Variants in GFM1 observed in about 807,000 individuals in gnomAD.
The protein encoded by GFM1 is elongation factor G, mitochondrial.
Under a neutral mutation model 96.2 loss-of-function variants are expected in GFM1, and 62 were observed. The observed-to-expected ratio is 0.64, with a 90% confidence interval of 0.53 to 0.80. GFM1 has a LOEUF of 0.80. Among genes scored for constraint, GFM1 ranks in the 30% least tolerant of loss-of-function variants. The pLI, the probability that GFM1 is intolerant of heterozygous loss-of-function variation, is 0.00. For synonymous variants in GFM1, 282 were observed against 312.9 expected (o/e 0.90, Z 1.04); for missense variants, 852 against 916.6 (o/e 0.93, Z 0.91).
At chr3:158,654,904 C>T (rs996649012) in intron 8 of GFM1, among the ~76,000 whole-genome samples, 1 of 152,040 alleles carries the variant, frequency 6.6e-6, no homozygotes, top group Non-Finnish European at 1.5e-5. Flanking sequence ...TATTTAATGT[C>T]ACAGTAGATA....
At chr3:158,680,268 A>G (rs1725259925) in intron 13 of GFM1, among the ~76,000 whole-genome samples, 1 of 151,844 alleles carries the variant, frequency 6.6e-6, no homozygotes, top group African/African-American at 2.4e-5. Context: ...TATTCATTGT[A>G]CCCAATAGGT....
chr3:158,665,273 T>C (rs2108050370), intron 11 of GFM1, 64 bp from the exon 12 acceptor site: 2 of 1,283,550 alleles, frequency 1.6e-6, no homozygotes, highest in East Asian at 4.6e-5. Flanking sequence ...GTAAAGTTTT[T>C]TCTAAAATCC....
chr3:158,690,304 A>C lies in GFM1; in HGVS notation c.2051A>C (p.Tyr684Ser). 6.2e-7 allele frequency: 1 copy of C among 1,613,938 alleles called. No individual in the cohort carries two copies. Among genetic ancestry groups the C allele is most frequent in the Non-Finnish European group, 8.5e-7 (1 of 1,179,864 alleles). ...ACTGGGCAAGATGGAGTTGAGGACT[A>C]TTTTACACTGTATGCAGATGTAAGT... ...VITGQDGVEDYFTLYADVPLN... is the reference protein window; with the variant it reads ...VITGQDGVEDSFTLYADVPLN... Residue 684 changes from tyrosine to serine, a missense_variant, in exon 16 of 18, where the codon TAT becomes TCT. Tyr to Ser is a moderately radical substitution (Grantham distance 144). Transcript: ENST00000486715.
chr3:158,669,465 A>G (rs1724048976), intron 13 of GFM1: 2 of 1,613,638 alleles, frequency 1.2e-6, no homozygotes, highest in South Asian at 1.1e-5. Context: ...CGGTTCCTTC[A>G]TGGACTTAAG....
intron 13 of GFM1, among the ~76,000 whole-genome samples, chr3:158,673,391 A>G (rs1203653517): frequency 1.3e-5 from 2 of 152,166 alleles, no homozygotes; most frequent in African/African-American, 2.4e-5. Flanking sequence ...ACTTTGTAGA[A>G]GTACAGGTTT....
chr3:158,682,226 C>A, intron 14 of GFM1, 69 bp downstream of exon 14: 2 of 1,276,212 alleles, frequency 1.6e-6, no homozygotes, highest in Non-Finnish European at 2.2e-6. Flanking sequence ...TTAAATCATA[C>A]TTTGTCTTCC....
chr3:158,669,593 G>A (rs1233024631), intron 13 of GFM1: 2 of 1,613,748 alleles, frequency 1.2e-6, no homozygotes, highest in Non-Finnish European at 1.7e-6. Context: ...CTTCAGCTGT[G>A]CAGTTCACCT....
At chr3:158,687,225 G>A (rs938882176) in intron 15 of GFM1, among the ~76,000 whole-genome samples, 1 of 151,866 alleles carries the variant, frequency 6.6e-6, no homozygotes, top group Non-Finnish European at 1.5e-5. Context: ...TGCCCAGGCT[G>A]GTCTCAAACT....
At chr3:158,647,282 A>T (rs1029416750) in intron 4 of GFM1, among the ~76,000 whole-genome samples, 1 of 152,236 alleles carries the variant, frequency 6.6e-6, no homozygotes, top group African/African-American at 2.4e-5. Flanking sequence ...TTATTTAGAC[A>T]AAAGATCATC....
intron 13 of GFM1, chr3:158,669,204 A>T: frequency 6.9e-7 from 1 of 1,443,264 alleles, no homozygotes; most frequent in Non-Finnish European, 9.4e-7. Context: ...CTAAATTCTA[A>T]ATCATGTCTT....
chr3:158,660,898 G>T lies in GFM1; in HGVS notation c.1246G>T (p.Asp416Tyr), dbSNP rs1349540795. The T allele has an allele frequency of 6.2e-7, 1 of 1,613,778 alleles. No homozygotes were observed. Among genetic ancestry groups the T allele is most frequent in the African/African-American group, 1.3e-5 (1 of 74,900 alleles). The change falls in exon 10 of 18, where the codon GAC becomes TAC. Residue 416 changes from aspartate to tyrosine, a missense_variant. Physicochemically the swap from Asp to Tyr is radical, Grantham distance 160 (BLOSUM62 -3). Coordinates refer to ENST00000486715, the MANE Select transcript of GFM1 (RefSeq NM_024996.7). Reference protein sequence around the residue: ...MEDVEEVYAGDICALFGIDCA... With the variant: ...MEDVEEVYAGYICALFGIDCA... ...GGATGTTGAGGAAGTATATGCCGGA[G>T]ACATCTGTGCATTGTTTGGCATTGA...
intron 13 of GFM1, among the ~76,000 whole-genome samples, chr3:158,673,782 G>A (rs1186279365): frequency 6.6e-6 from 1 of 151,996 alleles, no homozygotes; most frequent in Admixed American, 6.6e-5. Flanking sequence ...GGGATTACAG[G>A]CATAAGCCAC....
At chr3:158,661,090 AG>A in intron 10 of GFM1, 115 bp downstream of exon 10, 1 of 780,650 alleles carries the variant, frequency 1.3e-6, no homozygotes, top group Non-Finnish European at 2.3e-6. Flanking sequence ...TGAGTACCAC[AG>A]TCATCAAGTT....
intron 15 of GFM1, among the ~76,000 whole-genome samples, chr3:158,686,705 T>G (rs979431651): frequency 3.4e-5 from 5 of 148,868 alleles, no homozygotes; most frequent in African/African-American, 1.2e-4. Flanking sequence ...AAACACTAGA[T>G]TATAATTGAA....
chr3:158,662,516 G>A (rs1406103992), intron 10 of GFM1, 112 bp from the exon 11 acceptor site: 1 of 729,984 alleles, frequency 1.4e-6, no homozygotes, highest in African/African-American at 1.8e-5. Flanking sequence ...AAAGACATAG[G>A]CTACTATTTA....
rs1726497186 is a variant in GFM1, at chr3:158,695,189, C to T, written c.*3722C>T. Among the ~76,000 whole-genome samples the T allele has an allele frequency of 1.3e-5, 2 of 151,956 alleles. No homozygotes were observed. Among genetic ancestry groups the T allele is most frequent in the Non-Finnish European group, 2.9e-5 (2 of 67,994 alleles). On this transcript the variant is annotated 3_prime_UTR_variant, in exon 18 of 18. Coordinates refer to ENST00000486715, the MANE Select transcript of GFM1 (RefSeq NM_024996.7). ...AGGAGTTCGAGACCACCCTGGCCAA[C>T]ACGGTGAAACCCCGTCTCTACTATA...
rs1306874409 is a variant in GFM1, at chr3:158,646,934, C to A, written c.559C>A (p.Leu187Met). 1 of 1,613,822 alleles carries A rather than the reference C, an allele frequency of 6.2e-7. No individual in the cohort carries two copies. The highest frequency in any genetic ancestry group is 1.3e-5 in the African/African-American group (1 of 74,910). ...AATGGGCTCCAACCCAGCCAGGGCC[C>A]TGCAGCAAATGAGGTAATGAGCCTT... Reference protein sequence around the residue: ...DRMGSNPARALQQMRSKLNHN... With the variant: ...DRMGSNPARAMQQMRSKLNHN... Residue 187 changes from leucine (L) to methionine (M), a missense_variant, in exon 4 of 18, where the codon CTG (leucine) becomes ATG (methionine). Coordinates refer to ENST00000486715, the MANE Select transcript of GFM1 (RefSeq NM_024996.7).
At chr3:158,646,016 C>T in intron 2 of GFM1, 149 bp from the exon 3 acceptor site, 2 of 1,055,696 alleles carry the variant, frequency 1.9e-6, no homozygotes, top group Non-Finnish European at 1.4e-6. Context: ...CTCTTGGGCT[C>T]AAATTATCAT....
At chr3:158,663,826 G>T (rs1485364721) in intron 11 of GFM1, among the ~76,000 whole-genome samples, 2 of 152,164 alleles carry the variant, frequency 1.3e-5, no homozygotes, top group African/African-American at 2.4e-5. Context: ...TTGTTTTGGG[G>T]TTGTGTATGC....
Sources: gnomAD v4.1 joint callset for allele counts (sites outside exome capture counted in the v4.1 genomes callset) on GRCh38, gnomAD v4.1.1 for gene constraint, MANE v1.5 for transcripts, NCBI Gene and HGNC (gene_info 2026-07-23, HGNC 2026-07-21) for gene names.